The following SUSD5 variants were observed in gnomAD, a reference collection of about 807,000 sequenced individuals.
SUSD5 encodes sushi domain containing 5.
A neutral mutation model predicts 29.5 loss-of-function variants in SUSD5; 33 were observed. The observed-to-expected ratio is 1.12, with a 90% CI of 0.85 to 1.49. The LOEUF (loss-of-function observed/expected upper bound fraction) is 1.49. SUSD5 is among the 40% of genes most tolerant of loss of function. The pLI is 0.00. For missense variants in SUSD5, 776 were observed against 800.6 expected (o/e 0.97, Z 0.37); for synonymous variants, 308 against 325.3 (o/e 0.95, Z 0.57).
At chr3:33,193,935 G>T (rs1285727647) in intron 3 of SUSD5, among the ~76,000 whole-genome samples, 1 of 152,172 alleles carries the variant, frequency 6.6e-6, no homozygotes, top group African/African-American at 2.4e-5. Context: ...TAACAAAGTG[G>T]CCACAAGATT....
At chr3:33,171,088 T>C (rs1452327383) in intron 4 of SUSD5, among the ~76,000 whole-genome samples, 2 of 152,230 alleles carry the variant, frequency 1.3e-5, no homozygotes, top group Admixed American at 1.3e-4. Flanking sequence ...ACACCTGCAA[T>C]CCCAGCACTT....
intron 4 of SUSD5, among the ~76,000 whole-genome samples, chr3:33,170,994 C>T (rs959852598): frequency 2.0e-5 from 3 of 152,208 alleles, no homozygotes; most frequent in African/African-American, 7.2e-5. Flanking sequence ...GATATATTCG[C>T]AGGAACCTCA....
chr3:33,152,775 G>A lies in SUSD5; in HGVS notation c.1857C>T (p.His619=). ...KLNVGQRQAR[H]YHQQIEMEKV is the part of the protein sequence containing the mutation. ...TCTCCATCTCGATCTGCTGGTGGTA[G>A]TGCCGAGCCTGCCGCTGGCCAACAT... Residue 619 remains histidine, a synonymous_variant, in exon 5 of 5, where the codon CAC becomes CAT. Coordinates refer to ENST00000309558, the MANE Select transcript of SUSD5 (RefSeq NM_015551.2). 1 of 1,613,154 alleles carries A rather than the reference G, an allele frequency of 6.2e-7. No individual in the cohort carries two copies. Among genetic ancestry groups the A allele is most frequent in the South Asian group, 1.1e-5 (1 of 90,994 alleles).
rs371620995 is a variant in SUSD5 at position 33,156,282 on chromosome 3, G to A, written c.599-2249C>T. ...TGTCAAATTCCTGACCTTGTGATCC[G>A]CCCATCTCGGCCTCCCAAAGTGCTG... On this transcript the variant is annotated intron_variant, in intron 4 of 4. Coordinates refer to ENST00000309558, the MANE Select transcript of SUSD5 (RefSeq NM_015551.2). Among the ~76,000 whole-genome samples the A allele has an allele frequency of 1.3e-3, 203 of 152,060 alleles. 4 individuals are homozygous for A. In the South Asian group the frequency reaches 0.038, roughly 29 times the overall value.
chr3:33,174,312 G>C (rs771371895), intron 4 of SUSD5, among the ~76,000 whole-genome samples: 6 of 152,134 alleles, frequency 3.9e-5, no homozygotes, highest in Non-Finnish European at 4.4e-5. Context: ...AGGTGGATCA[G>C]AACTCATATG....
chr3:33,207,690 C>T, intron 3 of SUSD5, 118 bp downstream of exon 3: 1 of 620,064 alleles, frequency 1.6e-6, no homozygotes, highest in Non-Finnish European at 2.7e-6. Context: ...GGAAGACTTC[C>T]TGATAAACCA....
chr3:33,192,996 G>A lies in SUSD5; in HGVS notation c.409+14812C>T, dbSNP rs1286672798. The stretch of plus-strand genomic sequence containing the variant: ...GATGTTTCCAGTCTTTTGCACTGAA[G>A]TACTTGTCTGGGTCTCAGTGCCAAA... On this transcript the variant is annotated intron_variant, in intron 3 of 4. Coordinates refer to ENST00000309558, the MANE Select transcript of SUSD5 (RefSeq NM_015551.2). Among the ~76,000 whole-genome samples the A allele has an allele frequency of 7.2e-5, 7 of 97,620 alleles. No homozygotes were observed. The East Asian group carries it at 1.5e-3, about 21-fold the overall frequency. 64.0% of individuals were successfully genotyped at this position (97,620 alleles called of 152,430 possible). A position where few individuals can be genotyped will look rare whatever the true frequency, so the allele number is the denominator to read the frequency against.
In SUSD5 at chr3:33,205,530, G is replaced by A. The variant is rs149204030; in HGVS notation, c.409+2278C>T. Among the ~76,000 whole-genome samples the A allele has an allele frequency of 8.5e-5, 13 of 152,318 alleles. No homozygotes were observed. The East Asian group carries it at 2.3e-3, about 27-fold the overall frequency. ...ATTGAGTTGCCCATGACTCAAATCT[G>A]GAGTCACTATCATGACATTGACTTT... On this transcript the variant is annotated intron_variant, in intron 3 of 4. Coordinates refer to ENST00000309558, the MANE Select transcript of SUSD5 (RefSeq NM_015551.2).
chr3:33,216,346 C>A (rs529662146), intron 1 of SUSD5, among the ~76,000 whole-genome samples: 26 of 152,232 alleles, frequency 1.7e-4, no homozygotes, highest in Admixed American at 9.8e-4. Context: ...TATTTAAAAT[C>A]TTCCTACAAG....
At chr3:33,173,957 A>T (rs2031490558) in intron 4 of SUSD5, among the ~76,000 whole-genome samples, 1 of 152,156 alleles carries the variant, frequency 6.6e-6, no homozygotes, top group Non-Finnish European at 1.5e-5. Flanking sequence ...CTGCTGCTGG[A>T]GAAATTCCCA....
intron 4 of SUSD5, among the ~76,000 whole-genome samples, chr3:33,163,315 T>G (rs1575528880): frequency 6.6e-6 from 1 of 152,098 alleles, no homozygotes; most frequent in East Asian, 1.9e-4. Flanking sequence ...AATCCAGCAA[T>G]AAGTTAATGT....
At chr3:33,178,964 T>G (rs2031610959) in intron 3 of SUSD5, among the ~76,000 whole-genome samples, 1 of 152,226 alleles carries the variant, frequency 6.6e-6, no homozygotes, top group Admixed American at 6.5e-5. Context: ...AATCCACTAG[T>G]GAACCCTCTG....
intron 3 of SUSD5, among the ~76,000 whole-genome samples, chr3:33,190,608 T>C (rs1212655343): frequency 3.3e-5 from 5 of 152,184 alleles, no homozygotes; most frequent in Non-Finnish European, 5.9e-5. Context: ...CATTGTAACA[T>C]ACCTTTATAC....
At chr3:33,168,605 C>T (rs1411011632) in intron 4 of SUSD5, 1 of 985,256 alleles carries the variant, frequency 1.0e-6, no homozygotes, top group Non-Finnish European at 1.2e-6. Flanking sequence ...GGAGGCAGCA[C>T]ATAGCATGAT....
intron 4 of SUSD5, among the ~76,000 whole-genome samples, chr3:33,158,043 G>A (rs1323546018): frequency 6.6e-6 from 1 of 152,210 alleles, no homozygotes; most frequent in Non-Finnish European, 1.5e-5. Flanking sequence ...TCTACTATAG[G>A]TATTCTTATA....
At chr3:33,157,364 CA>C (rs1382435914) in intron 4 of SUSD5, among the ~76,000 whole-genome samples, 1 of 152,138 alleles carries the variant, frequency 6.6e-6, no homozygotes, top group South Asian at 2.1e-4. Flanking sequence ...GTCCTTCCTT[CA>C]AAAAACAACA....
At chr3:33,181,750 T>C (rs1196281190) in intron 3 of SUSD5, among the ~76,000 whole-genome samples, 1 of 152,206 alleles carries the variant, frequency 6.6e-6, no homozygotes, top group Non-Finnish European at 1.5e-5. Flanking sequence ...ATACCTACCA[T>C]TGTGTTACAG....
intron 3 of SUSD5, among the ~76,000 whole-genome samples, chr3:33,186,429 C>CTTT (rs11372293): frequency 6.8e-6 from 1 of 146,334 alleles, no homozygotes. Flanking sequence ...TCCTTTCTTT[C>CTTT]TTTTTTTTTT....
In SUSD5 at chr3:33,174,991, A is replaced by ACAG; in HGVS notation, c.490_492dup (p.Leu164dup). On this transcript the variant is annotated inframe_insertion, in exon 4 of 5. Coordinates refer to ENST00000309558, the MANE Select transcript of SUSD5 (RefSeq NM_015551.2). ...ATGATGTGGCCTGGGGCACACACGT[A>ACAG]CAGCAGTTCATCCCCCATTTCCAAG... 6.2e-7 allele frequency: 1 copy of ACAG among 1,614,034 alleles called. No individual in the cohort carries two copies. The highest frequency in any genetic ancestry group is 1.1e-5 in the South Asian group (1 of 91,088).
Sources: gnomAD v4.1 joint callset for allele counts (sites outside exome capture counted in the v4.1 genomes callset) on GRCh38, gnomAD v4.1.1 for gene constraint, MANE v1.5 for transcripts, NCBI Gene and HGNC (gene_info 2026-07-23, HGNC 2026-07-21) for gene names.